The following PEAK1 variants were observed in gnomAD, a reference collection of about 807,000 sequenced individuals.
PEAK1 encodes pseudopodium enriched atypical kinase 1.
Under a neutral mutation model 124.7 loss-of-function variants are expected in PEAK1, and 54 were observed. The ratio of observed to expected loss-of-function variants is 0.43; its 90% confidence interval spans 0.35 to 0.54. PEAK1 has a LOEUF of 0.54. Ranked by LOEUF, PEAK1 falls within the 20% of genes least tolerant of loss-of-function variation. PEAK1 has a pLI of 0.01. For synonymous variants in PEAK1, 719 were observed against 760.0 expected, an observed-to-expected ratio of 0.95 and a Z score of 0.89; for missense variants, 2,046 against 2,134.5, an observed-to-expected ratio of 0.96 and a Z score of 0.82.
intron 9 of PEAK1, among the ~76,000 whole-genome samples, chr15:77,120,416 C>G (rs191199609): frequency 1.3e-5 from 2 of 152,330 alleles, no homozygotes; most frequent in East Asian, 1.9e-4. Flanking sequence ...CCACCAAACT[C>G]ACTGCTTTCC....
At position 77,332,175 on chromosome 15, in the gene PEAK1, T is replaced by C. The variant is rs146224919; in HGVS notation, c.-603+32988A>G. The C allele has an allele frequency of 1.0e-3, 992 of 966,848 alleles. 8 individuals are homozygous for C. The African/African-American group carries it at 0.017, about 16-fold the overall frequency. The allele number at this position is 966,848 out of a possible 1,614,324, so 59.9% of individuals were successfully genotyped here. ...ATAAGTTGCTTTAGAGAATAGCTAG[T>C]AATATAAGCTTACATTTCTCCTCAC... On this transcript the variant is annotated intron_variant, in intron 2 of 9. Coordinates refer to ENST00000682557, the MANE Select transcript of PEAK1 (RefSeq NM_001385026.1).
chr15:77,406,258 A>G (rs985985500), intron 1 of PEAK1, among the ~76,000 whole-genome samples: 1 of 152,262 alleles, frequency 6.6e-6, no homozygotes, highest in Non-Finnish European at 1.5e-5. Flanking sequence ...CAAATAAATG[A>G]AAAACAGCCT....
intron 9 of PEAK1, among the ~76,000 whole-genome samples, chr15:77,119,495 A>T (rs980213902): frequency 6.6e-6 from 1 of 152,212 alleles, no homozygotes; most frequent in Non-Finnish European, 1.5e-5. Flanking sequence ...ATCCTGAAGC[A>T]TTCTGACCAG....
chr15:77,238,200 G>A (rs1250882574), intron 6 of PEAK1, among the ~76,000 whole-genome samples: 1 of 152,006 alleles, frequency 6.6e-6, no homozygotes, highest in African/African-American at 2.4e-5. Flanking sequence ...AATTTGGGCA[G>A]GTATTGAACT....
chr15:77,136,733 T>C (rs910197451), intron 8 of PEAK1, among the ~76,000 whole-genome samples: 1 of 152,178 alleles, frequency 6.6e-6, no homozygotes, highest in Admixed American at 6.5e-5. Context: ...GTCAATGTGA[T>C]AGAAAATAAA....
intron 2 of PEAK1, among the ~76,000 whole-genome samples, chr15:77,338,550 C>A (rs2066336572): frequency 6.6e-6 from 1 of 151,624 alleles, no homozygotes; most frequent in African/African-American, 2.4e-5. Context: ...GTATTCTTAA[C>A]AGACTAGCTA....
chr15:77,371,950 A>C (rs1053613445), intron 1 of PEAK1, among the ~76,000 whole-genome samples: 7 of 152,244 alleles, frequency 4.6e-5, no homozygotes, highest in African/African-American at 7.2e-5. Flanking sequence ...ATTTCACGTA[A>C]TTCCTAGCAC....
At chr15:77,149,484 C>T (rs2054418319) in intron 8 of PEAK1, among the ~76,000 whole-genome samples, 1 of 152,178 alleles carries the variant, frequency 6.6e-6, no homozygotes, top group African/African-American at 2.4e-5. Flanking sequence ...GTCTTTAAAT[C>T]ATAAAACATT....
At chr15:77,299,405 C>A (rs1462150926) in intron 2 of PEAK1, among the ~76,000 whole-genome samples, 1 of 152,100 alleles carries the variant, frequency 6.6e-6, no homozygotes, top group Non-Finnish European at 1.5e-5. Context: ...TTTATAATTC[C>A]TCTAAAAATA....
At chr15:77,214,044 T>C (rs563583648) in intron 6 of PEAK1, among the ~76,000 whole-genome samples, 1 of 152,312 alleles carries the variant, frequency 6.6e-6, no homozygotes, top group East Asian at 1.9e-4. Context: ...ATAGTAGTCA[T>C]GTTTGACTTG....
At chr15:77,230,544 G>T (rs1314482892) in intron 6 of PEAK1, among the ~76,000 whole-genome samples, 5 of 152,060 alleles carry the variant, frequency 3.3e-5, no homozygotes, top group Non-Finnish European at 7.4e-5. Context: ...TTGGAAAGAA[G>T]GTGGAAGAGA....
chr15:77,341,977 AT>A (rs2066563844), intron 2 of PEAK1, among the ~76,000 whole-genome samples: 1 of 152,148 alleles, frequency 6.6e-6, no homozygotes, highest in Admixed American at 6.5e-5. Flanking sequence ...TTTACAATAA[AT>A]AAAATTTAAG....
chr15:77,349,032 C>A, intron 2 of PEAK1: 2 of 930,618 alleles, frequency 2.1e-6, no homozygotes, highest in Non-Finnish European at 2.6e-6. Flanking sequence ...CAATTTTATT[C>A]AGTCAATAAT....
chr15:77,316,557 T>C (rs2064887016), intron 2 of PEAK1, among the ~76,000 whole-genome samples: 1 of 152,222 alleles, frequency 6.6e-6, no homozygotes, highest in Admixed American at 6.5e-5. Flanking sequence ...TGTAATCAAA[T>C]GGTCAATTGA....
At chr15:77,420,749 A>T, upstream of PEAK1, 1 of 397,804 alleles carries the variant, frequency 2.5e-6, no homozygotes, top group Non-Finnish European at 4.4e-6. Context: ...TACCGTGGAA[A>T]ATATTTCATT....
chr15:77,216,774 G>C (rs1450538450), intron 6 of PEAK1, among the ~76,000 whole-genome samples: 1 of 152,158 alleles, frequency 6.6e-6, no homozygotes, highest in East Asian at 1.9e-4. Flanking sequence ...AATTAAAGTT[G>C]AGCAAACTTG....
At chr15:77,321,131 T>A (rs1347063346) in intron 2 of PEAK1, among the ~76,000 whole-genome samples, 1 of 152,214 alleles carries the variant, frequency 6.6e-6, no homozygotes, top group Non-Finnish European at 1.5e-5. Context: ...TGTGTGCATG[T>A]GTCTTTATAG....
In PEAK1 at chr15:77,114,528, T is replaced by C. The variant is rs751504219; in HGVS notation, c.4869A>G (p.Ala1623=). 3 of 1,614,136 alleles carry C rather than the reference T, an allele frequency of 1.9e-6. No individual in the cohort carries two copies. The highest frequency in any genetic ancestry group is 4.5e-5 in the East Asian group (2 of 44,854). ...PELKEREYTR[A]DLPRIPFRSP... ...AGCGGAATGGGATGCGAGGCAGGTC[T>C]GCTCGTGTGTATTCCCTCTCCTTCA... The change falls in exon 10 of 10, where the codon GCA becomes GCG. Residue 1623 remains alanine, a synonymous_variant. Coordinates refer to ENST00000682557, the MANE Select transcript of PEAK1 (RefSeq NM_001385026.1).
At chr15:77,317,978 TGAC>T (rs2064978265) in intron 2 of PEAK1, among the ~76,000 whole-genome samples, 1 of 152,166 alleles carries the variant, frequency 6.6e-6, no homozygotes, top group Non-Finnish European at 1.5e-5. Flanking sequence ...CTAAAAATGA[TGAC>T]ATTTCAGAAA....
Sources: allele counts gnomAD v4.1 joint callset (sites outside exome capture counted in the v4.1 genomes callset), GRCh38; gene constraint gnomAD v4.1.1; transcripts MANE v1.5; gene names NCBI Gene and HGNC (gene_info 2026-07-23, HGNC 2026-07-21).